Variants in GABRB3 observed in about 807,000 individuals in gnomAD.
The protein encoded by GABRB3 is gamma-aminobutyric acid receptor subunit beta-3.
Under a neutral mutation model 52.1 loss-of-function variants are expected in GABRB3, and 14 were observed. The observed-to-expected ratio is 0.27, with a 90% CI of 0.18 to 0.42. GABRB3 has a LOEUF of 0.42. Among genes scored for constraint, GABRB3 ranks in the 10% least tolerant of loss-of-function variants. The probability of loss-of-function intolerance (pLI) is 1.00; values close to 1 mark genes in which losing one functional copy is unlikely to be tolerated. For synonymous variants in GABRB3, 260 were observed against 232.3 expected, an observed-to-expected ratio of 1.12 and a Z score of -1.08; for missense variants, 307 against 609.1, an observed-to-expected ratio of 0.50 and a Z score of 5.22.
intron 3 of GABRB3, among the ~76,000 whole-genome samples, chr15:26,757,829 CT>C (rs1373849609): frequency 3.3e-5 from 5 of 152,172 alleles, no homozygotes; most frequent in Non-Finnish European, 7.3e-5. Context: ...TTAAAAATCT[CT>C]CTCTATATAG....
At chr15:26,579,216 G>C (rs1461149174) in intron 6 of GABRB3, among the ~76,000 whole-genome samples, 1 of 152,192 alleles carries the variant, frequency 6.6e-6, no homozygotes, top group African/African-American at 2.4e-5. Flanking sequence ...GATGAACCAC[G>C]CATGACTGAC....
At chr15:26,679,836 C>G (rs1888182803) in intron 3 of GABRB3, among the ~76,000 whole-genome samples, 1 of 152,184 alleles carries the variant, frequency 6.6e-6, no homozygotes, top group Non-Finnish European at 1.5e-5. Context: ...TCCTCACTCT[C>G]TAAGGCACTT....
At chr15:26,624,836 G>C (rs1307045219) in intron 3 of GABRB3, 2 of 985,276 alleles carry the variant, frequency 2.0e-6, no homozygotes, top group Non-Finnish European at 2.4e-6. Context: ...GCCGGGAGTA[G>C]CAAATGCAGG....
intron 8 of GABRB3, among the ~76,000 whole-genome samples, chr15:26,558,675 G>A (rs538150240): frequency 1.6e-4 from 25 of 152,266 alleles, no homozygotes; most frequent in Non-Finnish European, 2.6e-4. Flanking sequence ...GGCCAAGGCA[G>A]GTGGATCATC....
intron 3 of GABRB3, among the ~76,000 whole-genome samples, chr15:26,715,851 T>C (rs1246605906): frequency 6.6e-6 from 1 of 152,188 alleles, no homozygotes; most frequent in African/African-American, 2.4e-5. Flanking sequence ...GCCTTCTTTA[T>C]TGCAACTCAT....
At chr15:26,696,553 C>T (rs1222943976) in intron 3 of GABRB3, among the ~76,000 whole-genome samples, 4 of 152,136 alleles carry the variant, frequency 2.6e-5, no homozygotes, top group Non-Finnish European at 5.9e-5. Flanking sequence ...ACCCCATGTA[C>T]TCAGTCAGAA....
chr15:26,689,959 T>C (rs1475449136), intron 3 of GABRB3, among the ~76,000 whole-genome samples: 1 of 152,142 alleles, frequency 6.6e-6, no homozygotes, highest in African/African-American at 2.4e-5. Flanking sequence ...AGGGTGTCCA[T>C]TCAGTCAGCT....
intron 3 of GABRB3, among the ~76,000 whole-genome samples, chr15:26,709,460 C>T (rs1889214630): frequency 6.6e-6 from 1 of 150,736 alleles, no homozygotes; most frequent in Non-Finnish European, 1.5e-5. Context: ...TGCCATGCTT[C>T]TTGCACAGCC....
intron 3 of GABRB3, among the ~76,000 whole-genome samples, chr15:26,662,257 C>T (rs1439782548): frequency 6.6e-6 from 1 of 152,152 alleles, no homozygotes; most frequent in Non-Finnish European, 1.5e-5. Context: ...ATGAATGCTA[C>T]AATTCTCAAA....
chr15:26,706,927 G>C (rs1262209700), intron 3 of GABRB3, among the ~76,000 whole-genome samples: 1 of 152,174 alleles, frequency 6.6e-6, no homozygotes, highest in African/African-American at 2.4e-5. Context: ...AGTTTGGATA[G>C]GAAGGAGGGT....
intron 7 of GABRB3, among the ~76,000 whole-genome samples, chr15:26,562,160 TAA>T (rs1258779075): frequency 6.6e-6 from 1 of 152,152 alleles, no homozygotes; most frequent in Non-Finnish European, 1.5e-5. Context: ...CTTGTGGAGT[TAA>T]GTTACGCTGC....
intron 4 of GABRB3, among the ~76,000 whole-genome samples, chr15:26,600,860 G>C (rs2140499943): frequency 6.6e-6 from 1 of 152,272 alleles, no homozygotes; most frequent in African/African-American, 2.4e-5. Flanking sequence ...TGATGTGTAA[G>C]ATGTTATCTC....
chr15:26,548,057 G>A lies in GABRB3; in HGVS notation c.1158C>T (p.Gly386=), dbSNP rs147235962. 7.9e-5 allele frequency: 127 copies of A among 1,614,038 alleles called. No homozygotes were observed. In the African/African-American group the frequency reaches 1.5e-3, roughly 18 times the overall value. The change falls in exon 9 of 9, where the codon GGC becomes GGT. Residue 386 remains glycine (G), a synonymous_variant. Transcript: ENST00000311550. Reference sequence around the variant, plus strand: ...AGGATATTGCTGAATTCCTGGTATCGCCAATGCCGCCTGAGACCTCATTCA... The same window carrying A: ...AGGATATTGCTGAATTCCTGGTATCACCAATGCCGCCTGAGACCTCATTCA... ...NEMNEVSGGI[G]DTRNSAISFD...
chr15:26,689,287 T>C (rs1338065752), intron 3 of GABRB3, among the ~76,000 whole-genome samples: 2 of 152,132 alleles, frequency 1.3e-5, no homozygotes, highest in Non-Finnish European at 2.9e-5. Context: ...ATCACACCTG[T>C]CACCTGGAGA....
chr15:26,655,943 A>G (rs555384489), intron 3 of GABRB3, among the ~76,000 whole-genome samples: 10 of 152,032 alleles, frequency 6.6e-5, no homozygotes, highest in Admixed American at 2.6e-4. Context: ...TGAGGGTTGG[A>G]TTTATTCTTA....
intron 3 of GABRB3, chr15:26,666,540 G>C (rs1474710942): frequency 7.9e-5 from 12 of 152,200 alleles, no homozygotes. Context: ...AACATGGAAG[G>C]ATACGAAATG....
intron 3 of GABRB3, among the ~76,000 whole-genome samples, chr15:26,723,676 A>G (rs1457093323): frequency 6.6e-6 from 1 of 152,182 alleles, no homozygotes; most frequent in Non-Finnish European, 1.5e-5. Flanking sequence ...GGAAACCTGT[A>G]TGTTTCAACT....
intron 4 of GABRB3, among the ~76,000 whole-genome samples, chr15:26,606,212 G>A (rs1386782942): frequency 9.0e-6 from 1 of 111,186 alleles, no homozygotes; most frequent in East Asian, 2.0e-4. Context: ...CAAAAAAATA[G>A]AATAAGACAA....
At chr15:26,701,420 A>G (rs1888933007) in intron 3 of GABRB3, among the ~76,000 whole-genome samples, 1 of 152,222 alleles carries the variant, frequency 6.6e-6, no homozygotes, top group Admixed American at 6.5e-5. Flanking sequence ...GTCAATGCAC[A>G]AAAACAATTT....
Sources: allele counts gnomAD v4.1 joint callset (sites outside exome capture counted in the v4.1 genomes callset), GRCh38; gene constraint gnomAD v4.1.1; transcripts MANE v1.5; gene names NCBI Gene and HGNC (gene_info 2026-07-23, HGNC 2026-07-21).